The following RFC3 variants were observed in gnomAD, a reference collection of about 807,000 sequenced individuals.
The protein encoded by RFC3 is A1 38 kDa subunit.
Under a neutral mutation model 45.1 loss-of-function variants are expected in RFC3, and 41 were observed. The ratio of observed to expected loss-of-function variants is 0.91; its 90% confidence interval spans 0.71 to 1.18. The LOEUF is 1.18. RFC3 is among the 50% of genes most tolerant of loss of function. The probability of loss-of-function intolerance (pLI) is 0.00; values close to 1 mark genes in which losing one functional copy is unlikely to be tolerated. For synonymous variants in RFC3, 149 were observed against 144.0 expected, an observed-to-expected ratio of 1.03 and a Z score of -0.25; for missense variants, 423 against 428.1, an observed-to-expected ratio of 0.99 and a Z score of 0.10.
chr13:33,952,382 A>AT (rs1321361313), intron 8 of RFC3, among the ~76,000 whole-genome samples: 2 of 152,200 alleles, frequency 1.3e-5, no homozygotes, highest in Non-Finnish European at 2.9e-5. Context: ...AGAACCATAT[A>AT]ATGTGTAGAA....
chr13:33,912,956 A>G (rs1284468661), intron 8 of RFC3, among the ~76,000 whole-genome samples: 1 of 152,106 alleles, frequency 6.6e-6, no homozygotes, highest in Non-Finnish European at 1.5e-5. Flanking sequence ...TGCACTCACC[A>G]GATGCTACTG....
intron 8 of RFC3, among the ~76,000 whole-genome samples, chr13:33,933,200 A>G (rs1251559780): frequency 6.6e-6 from 1 of 152,114 alleles, no homozygotes; most frequent in Admixed American, 6.6e-5. Flanking sequence ...CTGCTTGCTA[A>G]TGCCGAGCTG....
At chr13:33,881,737 C>A (rs1409714829) in intron 8 of RFC3, among the ~76,000 whole-genome samples, 5 of 152,168 alleles carry the variant, frequency 3.3e-5, no homozygotes, top group Non-Finnish European at 7.4e-5. Flanking sequence ...TTCTCTCAGT[C>A]CCGTGCTTTC....
chr13:33,963,049 A>G (rs1439703790), intron 8 of RFC3, among the ~76,000 whole-genome samples: 4 of 152,124 alleles, frequency 2.6e-5, no homozygotes, highest in Non-Finnish European at 5.9e-5. Flanking sequence ...CCCAAAATAT[A>G]TGAAAGTCTT....
chr13:33,943,088 G>A (rs905445872), intron 8 of RFC3, among the ~76,000 whole-genome samples: 1 of 152,148 alleles, frequency 6.6e-6, no homozygotes, highest in East Asian at 1.9e-4. Context: ...ACAAAAAATA[G>A]CATGTGAACT....
chr13:33,832,752 G>A (rs925523821), intron 7 of RFC3, among the ~76,000 whole-genome samples: 11 of 152,024 alleles, frequency 7.2e-5, no homozygotes, highest in Admixed American at 1.3e-4. Context: ...TGTCTTAGGT[G>A]CCTTTTACTT....
At chr13:33,925,579 CAT>C (rs1354446859) in intron 8 of RFC3, among the ~76,000 whole-genome samples, 1 of 110,452 alleles carries the variant, frequency 9.1e-6, no homozygotes. Flanking sequence ...TATATACATA[CAT>C]ATATAGTGTA....
chr13:33,913,589 C>G lies in RFC3; in HGVS notation c.880-52498C>G, dbSNP rs1194226503. ...TGACCTTAGGGAAATTACTCACTCT[C>G]TCTAAGCCTCAGTTTCTTTATCTTT... On this transcript the variant is annotated intron_variant, in intron 8 of 8. Coordinates refer to the RFC3 transcript ENST00000434425. 2.0e-5 allele frequency among the ~76,000 whole-genome samples: 3 copies of G among 152,136 alleles called. 1 individual carries two copies. The East Asian group carries it at 5.8e-4, about 29-fold the overall frequency.
intron 8 of RFC3, among the ~76,000 whole-genome samples, chr13:33,871,153 TC>T (rs1432533178): frequency 6.6e-6 from 1 of 152,226 alleles, no homozygotes; most frequent in Non-Finnish European, 1.5e-5. Flanking sequence ...AGTCCTTTGG[TC>T]TTTGTAACTA....
intron 8 of RFC3, among the ~76,000 whole-genome samples, chr13:33,844,741 C>T (rs773090425): frequency 5.9e-5 from 9 of 152,104 alleles, no homozygotes; most frequent in Non-Finnish European, 1.2e-4. Context: ...TGTCTATGTT[C>T]TGAAAAGTTG....
chr13:33,952,667 T>C (rs2082998047), intron 8 of RFC3, among the ~76,000 whole-genome samples: 1 of 152,152 alleles, frequency 6.6e-6, no homozygotes, highest in Non-Finnish European at 1.5e-5. Flanking sequence ...GAGAAATGAA[T>C]GTTTTGGTCC....
At chr13:33,826,731 G>A (rs915026410) in intron 4 of RFC3, among the ~76,000 whole-genome samples, 4 of 152,038 alleles carry the variant, frequency 2.6e-5, no homozygotes, top group Admixed American at 2.0e-4. Context: ...GTTTTTAATT[G>A]TATTTTGGTA....
intron 6 of RFC3, 134 bp from the exon 7 acceptor site, chr13:33,831,122 A>G: frequency 3.1e-6 from 2 of 643,050 alleles, no homozygotes; most frequent in Non-Finnish European, 5.6e-6. Context: ...TCAGGCCATA[A>G]TGCTGGCCTA....
At chr13:33,963,614 C>T (rs2083070748) in intron 8 of RFC3, among the ~76,000 whole-genome samples, 2 of 152,284 alleles carry the variant, frequency 1.3e-5, no homozygotes, top group African/African-American at 2.4e-5. Context: ...CTCTATAGAG[C>T]AGTGTGCATT....
At chr13:33,879,211 A>G (rs2082466730) in intron 8 of RFC3, among the ~76,000 whole-genome samples, 2 of 152,354 alleles carry the variant, frequency 1.3e-5, no homozygotes, top group South Asian at 4.1e-4. Flanking sequence ...GATAACATAA[A>G]TCTCAGTGAC....
rs2082164434 is a variant in RFC3 at position 33,837,314 on chromosome 13, A to T, written c.*1019A>T. ...AGAATTTAATGGAATCAGATATTGTAAGCATTCTTGTGTAATACTTCATTC... is the reference window on the plus strand; with the variant it reads ...AGAATTTAATGGAATCAGATATTGTTAGCATTCTTGTGTAATACTTCATTC... On this transcript the variant is annotated 3_prime_UTR_variant, in exon 9 of 9. Transcript: ENST00000380071. 6.6e-6 allele frequency: 1 copy of T among 152,180 alleles called. No homozygotes were observed. The highest frequency in any genetic ancestry group is 2.4e-5 in the African/African-American group (1 of 41,440). The allele number at this position is 152,180 out of a possible 1,614,324, so 9.4% of individuals were successfully genotyped here.
downstream of RFC3, among the ~76,000 whole-genome samples, chr13:33,968,249 TC>T (rs2083096816): frequency 6.6e-6 from 1 of 152,164 alleles, no homozygotes; most frequent in South Asian, 2.1e-4. Flanking sequence ...TGTCTCAGCC[TC>T]CCAAGTAGCT....
At chr13:33,864,452 T>C (rs2082360832) in intron 8 of RFC3, among the ~76,000 whole-genome samples, 1 of 152,172 alleles carries the variant, frequency 6.6e-6, no homozygotes, top group African/African-American at 2.4e-5. Flanking sequence ...AGTTCTTGGA[T>C]TTTTTAGTTA....
intron 8 of RFC3, among the ~76,000 whole-genome samples, chr13:33,910,664 A>G (rs1438740568): frequency 6.6e-6 from 1 of 152,126 alleles, no homozygotes; most frequent in Non-Finnish European, 1.5e-5. Flanking sequence ...TTAAAAACGC[A>G]ATAGGCTATA....
Sources: gnomAD v4.1 joint callset for allele counts (sites outside exome capture counted in the v4.1 genomes callset) on GRCh38, gnomAD v4.1.1 for gene constraint, MANE v1.5 for transcripts, NCBI Gene and HGNC (gene_info 2026-07-23, HGNC 2026-07-21) for gene names.